The following EHHADH variants were observed in gnomAD, a reference collection of about 807,000 sequenced individuals.
EHHADH encodes the protein peroxisomal bifunctional enzyme.
EHHADH carries 48 observed loss-of-function variants against 64.4 expected under a neutral mutation model. The ratio of observed to expected loss-of-function variants is 0.75; its 90% confidence interval spans 0.59 to 0.95. The LOEUF (loss-of-function observed/expected upper bound fraction) is 0.95. Among genes scored for constraint, EHHADH ranks in the 40% least tolerant of loss-of-function variants. EHHADH has a pLI of 0.00. For missense variants in EHHADH, 854 were observed against 876.6 expected (o/e 0.97, Z 0.33); for synonymous variants, 308 against 326.7 (o/e 0.94, Z 0.62).
chr3:185,223,294 CA>C (rs1560014999), intron 4 of EHHADH, among the ~76,000 whole-genome samples: 1 of 152,056 alleles, frequency 6.6e-6, no homozygotes, highest in Non-Finnish European at 1.5e-5. Flanking sequence ...TTTATTGCTT[CA>C]AAAAGAAATT....
chr3:185,241,090 G>A (rs1262535583), intron 2 of EHHADH, among the ~76,000 whole-genome samples: 1 of 151,968 alleles, frequency 6.6e-6, no homozygotes, highest in African/African-American at 2.4e-5. Context: ...ACTTTACTTA[G>A]AATAATAGTC....
chr3:185,229,332 A>C, intron 4 of EHHADH, 100 bp downstream of exon 4: 1 of 557,738 alleles, frequency 1.8e-6, no homozygotes, highest in Admixed American at 4.3e-5. Flanking sequence ...GAATCCTTTT[A>C]TGGTTACATA....
chr3:185,210,804 A>G (rs1341377149), intron 5 of EHHADH, among the ~76,000 whole-genome samples: 3 of 151,798 alleles, frequency 2.0e-5, no homozygotes, highest in African/African-American at 7.2e-5. Context: ...ATTTTAGGCC[A>G]GAGATTGAAA....
rs754684931 is a variant in EHHADH at position 185,235,404 on chromosome 3, T to C, written c.237A>G (p.Val79=). The C allele has an allele frequency of 1.2e-6, 2 of 1,613,956 alleles. No individual in the cohort carries two copies. The highest frequency in any genetic ancestry group is 1.1e-5 in the South Asian group (1 of 91,078). The change falls in exon 3 of 7, where the codon GTA becomes GTG. Residue 79 remains valine (V), a synonymous_variant. Coordinates refer to ENST00000231887, the MANE Select transcript of EHHADH (RefSeq NM_001966.4). ...TCTCATTTCTCTGTATTTCATCTACTACATGTCCCAGTGTAAGGCCAAATG... is the reference window on the plus strand; with the variant it reads ...TCTCATTTCTCTGTATTTCATCTACCACATGTCCCAGTGTAAGGCCAAATG... ...PRTFGLTLGH[V]VDEIQRNEKP...
rs373487586 is a variant in EHHADH, at chr3:185,193,260, C to T, written c.1138G>A (p.Glu380Lys). 1 of 1,601,606 alleles carries T rather than the reference C, an allele frequency of 6.2e-7. No homozygotes were observed. The highest frequency in any genetic ancestry group is 8.5e-7 in the Non-Finnish European group (1 of 1,174,688). The change falls in exon 7 of 7, where the codon GAA becomes AAA. Residue 380 changes from glutamate to lysine, a missense_variant. Glu to Lys is a moderately conservative substitution (Grantham distance 56). Coordinates refer to ENST00000231887, the MANE Select transcript of EHHADH (RefSeq NM_001966.4). ...AGGCTCATTTCCTCAAATACTGCTT[C>T]AATGACTAAATCTACACCACCAAGC... The part of the protein sequence containing the change: ...KELGGVDLVI[E>K]AVFEEMSLKK...
intron 3 of EHHADH, among the ~76,000 whole-genome samples, chr3:185,233,496 T>G (rs1193793937): frequency 6.6e-6 from 1 of 152,298 alleles, no homozygotes; most frequent in Admixed American, 6.5e-5. Context: ...ATGTTCTTCC[T>G]TATCAGTAAT....
intron 5 of EHHADH, among the ~76,000 whole-genome samples, chr3:185,212,652 G>A (rs1434600956): frequency 7.2e-6 from 1 of 138,698 alleles, no homozygotes; most frequent in Non-Finnish European, 1.6e-5. Flanking sequence ...TGGGAAAAGG[G>A]AATACAAAAA....
chr3:185,246,463 C>T (rs534307050), intron 2 of EHHADH: 12 of 411,024 alleles, frequency 2.9e-5, no homozygotes, highest in South Asian at 1.5e-4. Flanking sequence ...CAGTGGGCTC[C>T]GCATGGATGG....
At chr3:185,219,107 A>C (rs1256293767) in intron 4 of EHHADH, among the ~76,000 whole-genome samples, 2 of 152,210 alleles carry the variant, frequency 1.3e-5, no homozygotes, top group Admixed American at 1.3e-4. Context: ...ATGAGAAAAA[A>C]ATTAAGTTGA....
intron 6 of EHHADH, among the ~76,000 whole-genome samples, chr3:185,198,568 GC>G (rs1718136215): frequency 6.6e-6 from 1 of 151,484 alleles, no homozygotes; most frequent in Non-Finnish European, 1.5e-5. Context: ...GTGAATTTTG[GC>G]CAGGCACAGT....
intron 5 of EHHADH, among the ~76,000 whole-genome samples, chr3:185,215,846 T>G (rs186432203): frequency 6.6e-6 from 1 of 152,322 alleles, no homozygotes; most frequent in Non-Finnish European, 1.5e-5. Context: ...TCATACATAC[T>G]CCAGATAATG....
chr3:185,249,155 G>GTCT (rs756173927), intron 1 of EHHADH, among the ~76,000 whole-genome samples: 5 of 151,456 alleles, frequency 3.3e-5, no homozygotes, highest in Non-Finnish European at 5.9e-5. Flanking sequence ...TTGAAATGGA[G>GTCT]TCTTGCTCTG....
chr3:185,231,902 A>G (rs1346908018), intron 3 of EHHADH, among the ~76,000 whole-genome samples: 1 of 152,196 alleles, frequency 6.6e-6, no homozygotes, highest in African/African-American at 2.4e-5. Flanking sequence ...ATATACTCAT[A>G]TACCATTGAA....
intron 3 of EHHADH, among the ~76,000 whole-genome samples, chr3:185,232,325 GC>G (rs1363753403): frequency 1.3e-5 from 2 of 152,146 alleles, no homozygotes; most frequent in Non-Finnish European, 2.9e-5. Context: ...CAGAAAAGGA[GC>G]ACTTAGGACA....
chr3:185,213,672 G>A (rs1577361439), intron 5 of EHHADH, among the ~76,000 whole-genome samples: 1 of 151,910 alleles, frequency 6.6e-6, no homozygotes, highest in Non-Finnish European at 1.5e-5. Context: ...CTGAGGTCAG[G>A]AGTTCAAGAC....
chr3:185,196,411 G>A (rs143514757), intron 6 of EHHADH, among the ~76,000 whole-genome samples: 47 of 152,202 alleles, frequency 3.1e-4, no homozygotes, highest in African/African-American at 8.7e-4. Context: ...AATACGAGGC[G>A]GGTAGATCAC....
chr3:185,248,071 T>C (rs1719643452), intron 2 of EHHADH: 1 of 202,006 alleles, frequency 5.0e-6, no homozygotes, highest in African/African-American at 2.3e-5. Context: ...TCCCACTTTA[T>C]AGATAGAGAA....
intron 6 of EHHADH, among the ~76,000 whole-genome samples, chr3:185,199,988 AC>A (rs929091920): frequency 2.0e-5 from 3 of 152,208 alleles, no homozygotes; most frequent in African/African-American, 7.2e-5. Flanking sequence ...TTAAATATTT[AC>A]CATCCGGAAC....
intron 5 of EHHADH, among the ~76,000 whole-genome samples, chr3:185,206,136 T>C (rs369030296): frequency 7.2e-5 from 11 of 152,062 alleles, no homozygotes; most frequent in African/African-American, 2.4e-4. Context: ...AGGACCACAG[T>C]GACATGGTAA....
Sources: allele counts gnomAD v4.1 joint callset (sites outside exome capture counted in the v4.1 genomes callset), GRCh38; gene constraint gnomAD v4.1.1; transcripts MANE v1.5; gene names NCBI Gene and HGNC (gene_info 2026-07-23, HGNC 2026-07-21).